The following TBC1D32 variants were observed in gnomAD, a reference collection of about 807,000 sequenced individuals.
TBC1D32 encodes the protein TBC1 domain family member 32.
A neutral mutation model predicts 170.3 loss-of-function variants in TBC1D32; 151 were observed. The ratio of observed to expected loss-of-function variants is 0.89; its 90% CI spans 0.78 to 1.01. The LOEUF is 1.01. TBC1D32 is among the 50% of genes least tolerant of loss of function. The pLI is 0.00. For synonymous variants in TBC1D32, 498 were observed against 488.0 expected, an observed-to-expected ratio of 1.02 and a Z score of -0.27; for missense variants, 1,464 against 1,457.1, an observed-to-expected ratio of 1.00 and a Z score of -0.08.
chr6:121,294,596 T>C lies in TBC1D32; in HGVS notation c.1205A>G (p.Glu402Gly). ...GCAATGCTTTGAATGTCCCAAAGTT[T>C]CATCAGCTTTCCTAGTCTTACACAT... ...FEMCKTRKAD[E>G]TLGHSKHCRN... The change falls in exon 11 of 32, where the codon GAA (glutamate) becomes GGA (glycine). Residue 402 changes from glutamate to glycine, a missense_variant. Transcript: ENST00000398212. 1 of 1,612,326 alleles carries C rather than the reference T, an allele frequency of 6.2e-7. No individual in the cohort carries two copies. The highest frequency in any genetic ancestry group is 8.5e-7 in the Non-Finnish European group (1 of 1,179,348).
Position 121,330,495 on chromosome 6 carries a change from G to A in TBC1D32, c.155+3781C>T, listed in dbSNP as rs117588961. Among the ~76,000 whole-genome samples, 30 of 152,186 alleles carry A rather than the reference G, an allele frequency of 2.0e-4. No homozygotes were observed. The East Asian group carries it at 4.6e-3, about 24-fold the overall frequency. On this transcript the variant is annotated intron_variant, in intron 1 of 31. Transcript: ENST00000398212. The stretch of plus-strand genomic sequence containing the variant: ...ACATATCAAGTGAGAAGGCTATAAC[G>A]ATGACCCTCTGCATTAGAGACTGTT...
At chr6:121,187,308 G>C (rs1001765929) in intron 22 of TBC1D32, among the ~76,000 whole-genome samples, 1 of 152,056 alleles carries the variant, frequency 6.6e-6, no homozygotes, top group Non-Finnish European at 1.5e-5. Flanking sequence ...CAGGAAATCT[G>C]AAAGCATAAC....
chr6:121,186,600 T>A (rs1789240889), intron 22 of TBC1D32, among the ~76,000 whole-genome samples: 1 of 152,032 alleles, frequency 6.6e-6, no homozygotes, highest in African/African-American at 2.4e-5. Flanking sequence ...TATTTTAAAC[T>A]TTGCTCTGTT....
chr6:121,210,552 G>A (rs1313300389), intron 21 of TBC1D32, among the ~76,000 whole-genome samples: 1 of 152,172 alleles, frequency 6.6e-6, no homozygotes, highest in East Asian at 1.9e-4. Flanking sequence ...AGATACTGTG[G>A]TAGGCAGAAT....
chr6:121,144,530 C>T (rs1026335953), intron 24 of TBC1D32, among the ~76,000 whole-genome samples: 1 of 152,040 alleles, frequency 6.6e-6, no homozygotes, highest in Non-Finnish European at 1.5e-5. Context: ...ATCTGGAGAA[C>T]TGGGAGCAAA....
Position 121,239,188 on chromosome 6 carries a change from C to G in TBC1D32, c.2246G>C (p.Gly749Ala). ...TTCAGTTATAAGTTCATTAATAAAC[C>G]CTAAAAAGAATTATTACTTCAAGTC... ...AAGGIALKKSGFINELITELW... is the reference protein window; with the variant it reads ...AAGGIALKKSAFINELITELW... The change falls in exon 20 of 32, where the codon GGG (glycine) becomes GCG (alanine). Residue 749 changes from glycine (G) to alanine (A), a missense_variant and splice_region_variant. By Grantham distance (60) the Gly-to-Ala change is moderately conservative. Coordinates refer to ENST00000398212, the MANE Select transcript of TBC1D32 (RefSeq NM_152730.6). 2.0e-6 allele frequency: 3 copies of G among 1,524,776 alleles called. No homozygotes were observed. Among genetic ancestry groups the G allele is most frequent in the South Asian group, 2.4e-5 (2 of 84,584 alleles). 94.5% of individuals were successfully genotyped at this position (1,524,776 alleles called of 1,614,324 possible).
At chr6:121,320,055 A>G (rs1350450853) in intron 2 of TBC1D32, among the ~76,000 whole-genome samples, 1 of 152,062 alleles carries the variant, frequency 6.6e-6, no homozygotes, top group Non-Finnish European at 1.5e-5. Flanking sequence ...TATTATATAG[A>G]TCCTACAAAT....
At chr6:121,225,174 A>G (rs530655517) in intron 20 of TBC1D32, among the ~76,000 whole-genome samples, 5 of 152,176 alleles carry the variant, frequency 3.3e-5, no homozygotes, top group Non-Finnish European at 7.4e-5. Context: ...CTAGGAAACT[A>G]CTGTATAAAC....
chr6:121,096,530 A>C lies in TBC1D32; in HGVS notation c.3466-5489T>G, dbSNP rs982971241. The stretch of plus-strand genomic sequence containing the variant: ...CTGCAAGTAGAACTACAAACCACTG[A>C]TCAAGGAAATAAGAGAGGACACAAA... On this transcript the variant is annotated intron_variant, in intron 30 of 31. Transcript: ENST00000398212. Among the ~76,000 whole-genome samples the C allele has an allele frequency of 2.7e-4, 41 of 152,022 alleles. 1 individual carries two copies. Among genetic ancestry groups the C allele is most frequent in the Non-Finnish European group, 2.9e-5 (2 of 67,964 alleles).
At chr6:121,325,260 C>T (rs1396972824) in intron 1 of TBC1D32, among the ~76,000 whole-genome samples, 1 of 150,364 alleles carries the variant, frequency 6.7e-6, no homozygotes, top group Non-Finnish European at 1.5e-5. Flanking sequence ...CCATGCATCA[C>T]AACTAGGAAC....
chr6:121,207,815 A>G (rs1417275110), intron 21 of TBC1D32, among the ~76,000 whole-genome samples: 2 of 152,166 alleles, frequency 1.3e-5, no homozygotes, highest in Non-Finnish European at 2.9e-5. Flanking sequence ...CTATATAAAG[A>G]TATGTTTGAG....
chr6:121,239,128 A>T lies in TBC1D32; in HGVS notation c.2306T>A (p.Val769Asp). 6.2e-7 allele frequency: 1 copy of T among 1,606,284 alleles called. No individual in the cohort carries two copies. The change falls in exon 20 of 32, where the codon GTT becomes GAT. Residue 769 changes from valine to aspartate, a missense_variant. Physicochemically the swap from Val to Asp is radical, Grantham distance 152. This residue lies in a region of TBC1D32 where 1,363 missense variants were observed against 1,338.1 expected (regional missense o/e 1.02). Coordinates refer to ENST00000398212, the MANE Select transcript of TBC1D32 (RefSeq NM_152730.6). ...AGTAGTTCTGGGATGGGTTACCCTA[A>T]CATCATCTCTTCCATATTCCAGATT... ...WSNLEYGRDD[V>D]RVTHPRTTPV...
intron 1 of TBC1D32, among the ~76,000 whole-genome samples, chr6:121,322,892 T>C (rs748360218): frequency 2.0e-5 from 3 of 152,206 alleles, no homozygotes; most frequent in Non-Finnish European, 4.4e-5. Flanking sequence ...GTTCATGTAA[T>C]GTCTATTAGC....
At chr6:121,226,510 A>C (rs73526605) in intron 20 of TBC1D32, among the ~76,000 whole-genome samples, 2,722 of 152,248 alleles carry the variant, frequency 0.018, 87 homozygotes, top group African/African-American at 0.063. Context: ...GAATGCTCTA[A>C]AGAAAAATGG....
At chr6:121,225,802 C>T (rs1794990981) in intron 20 of TBC1D32, among the ~76,000 whole-genome samples, 1 of 152,026 alleles carries the variant, frequency 6.6e-6, no homozygotes, top group Non-Finnish European at 1.5e-5. Flanking sequence ...AAGATGTTAG[C>T]TTAGTGCAAA....
intron 24 of TBC1D32, among the ~76,000 whole-genome samples, chr6:121,137,569 T>TA (rs780313692): frequency 6.6e-6 from 1 of 151,962 alleles, no homozygotes; most frequent in African/African-American, 2.4e-5. Context: ...GTTTCATGTT[T>TA]AAAAAATCGA....
At chr6:121,269,037 A>G (rs1320037912) in intron 15 of TBC1D32, among the ~76,000 whole-genome samples, 1 of 152,156 alleles carries the variant, frequency 6.6e-6, no homozygotes, top group African/African-American at 2.4e-5. Flanking sequence ...AGGAGAAATC[A>G]AATCCTTTGC....
intron 24 of TBC1D32, among the ~76,000 whole-genome samples, chr6:121,151,252 T>C (rs1292043587): frequency 1.3e-5 from 2 of 152,240 alleles, no homozygotes; most frequent in Non-Finnish European, 2.9e-5. Flanking sequence ...CTAAATTTTA[T>C]TATTTACCCA....
intron 22 of TBC1D32, among the ~76,000 whole-genome samples, chr6:121,187,816 A>G (rs79685744): frequency 0.012 from 1,865 of 152,090 alleles, 37 homozygotes; most frequent in African/African-American, 0.043. Context: ...GATAAAAGGA[A>G]AAAAAATAGA....
Sources: gnomAD v4.1 joint callset for allele counts (sites outside exome capture counted in the v4.1 genomes callset) on GRCh38, gnomAD v4.1.1 for gene constraint, gnomAD v4.1.1 regional missense constraint, MANE v1.5 for transcripts, NCBI Gene and HGNC (gene_info 2026-07-23, HGNC 2026-07-21) for gene names.